The following KCNQ1 variants were observed in gnomAD, a reference collection of about 807,000 sequenced individuals.
The protein encoded by KCNQ1 is potassium voltage-gated channel subfamily KQT member 1.
KCNQ1 carries 49 observed loss-of-function variants against 72.4 expected under a neutral mutation model. That is an observed-to-expected ratio of 0.68 (90% CI 0.54 to 0.86). The LOEUF (loss-of-function observed/expected upper bound fraction) is 0.86, where lower values mean the gene tolerates loss of function less well. Among genes scored for constraint, KCNQ1 ranks in the 40% least tolerant of loss-of-function variants. The probability of loss-of-function intolerance (pLI) is 0.00; values close to 1 mark genes in which losing one functional copy is unlikely to be tolerated. For missense variants in KCNQ1, 790 were observed against 945.1 expected, an observed-to-expected ratio of 0.84 and a Z score of 2.15; for synonymous variants, 450 against 412.6, an observed-to-expected ratio of 1.09 and a Z score of -1.10.
At chr11:2,689,234 T>C in intron 11 of KCNQ1, 1 of 398,752 alleles carries the variant, frequency 2.5e-6, no homozygotes, top group Non-Finnish European at 4.4e-6. Flanking sequence ...TAGGCCAAGC[T>C]TTGAAGTCAG....
chr11:2,649,062 A>G, intron 10 of KCNQ1: 1 of 379,614 alleles, frequency 2.6e-6, no homozygotes. Context: ...TTTGTGTGGA[A>G]TATCTTTTTC....
At chr11:2,792,272 C>T (rs1015996300) in intron 15 of KCNQ1, among the ~76,000 whole-genome samples, 2 of 152,234 alleles carry the variant, frequency 1.3e-5, no homozygotes, top group Admixed American at 6.5e-5. Flanking sequence ...TTTGAGGGCC[C>T]TTCTCAAACC....
At position 2,651,223 on chromosome 11, in the gene KCNQ1, C is replaced by T; in HGVS notation, c.1394-10738C>T. On this transcript the variant is annotated intron_variant, in intron 10 of 15. Transcript: ENST00000155840. This position sits in a 1 kb window ranked among gnomAD's most constrained non-coding sequence, Gnocchi z 6.1. ...CTGTCACCCTGTCTTGTGTCAGTCTCACAGCACACACAGCTTAATTCAGGA... is the reference window on the plus strand; with the variant it reads ...CTGTCACCCTGTCTTGTGTCAGTCTTACAGCACACACAGCTTAATTCAGGA... The T allele has an allele frequency of 2.5e-6, 1 of 398,642 alleles. No homozygotes were observed. Among genetic ancestry groups the T allele is most frequent in the Non-Finnish European group, 4.4e-6 (1 of 226,084 alleles). 24.7% of individuals were successfully genotyped at this position (398,642 alleles called of 1,614,324 possible). A position where few individuals can be genotyped will look rare whatever the true frequency, so the allele number is the denominator to read the frequency against.
rs778576517 is a variant in KCNQ1 at position 2,849,021 on chromosome 11, T to A, written c.*1018T>A. The A allele has an allele frequency of 2.9e-5, 13 of 454,046 alleles. No homozygotes were observed. Among genetic ancestry groups the A allele is most frequent in the Admixed American group, 7.0e-5 (3 of 42,566 alleles). The allele number at this position is 454,046 out of a possible 1,614,324, so 28.1% of individuals were successfully genotyped here. A position where few individuals can be genotyped will look rare whatever the true frequency, so the allele number is the denominator to read the frequency against. ...GGGCTGGGCACTGCTCTCACCTTGG[T>A]TCCTGGGGCATCCATGGGGTCTCTC... On this transcript the variant is annotated 3_prime_UTR_variant, in exon 16 of 16. Transcript: ENST00000155840.
rs965886206 is a variant in KCNQ1, at chr11:2,822,837, G to A, written c.1795-24930G>A. Reference sequence around the variant, plus strand: ...CATTGTAAGATCTGAAATTCAGAACGGTGGCATAGGCCAGAGTAGGACATT... The same window carrying A: ...CATTGTAAGATCTGAAATTCAGAACAGTGGCATAGGCCAGAGTAGGACATT... On this transcript the variant is annotated intron_variant, in intron 15 of 15. Transcript: ENST00000155840. 8.5e-5 allele frequency among the ~76,000 whole-genome samples: 13 copies of A among 152,180 alleles called. 1 individual carries two copies. The highest frequency in any genetic ancestry group is 3.9e-4 in the Admixed American group (6 of 15,284).
chr11:2,640,813 A>G (rs1292759747), intron 10 of KCNQ1: 1 of 398,200 alleles, frequency 2.5e-6, no homozygotes, highest in African/African-American at 2.1e-5. Context: ...CCACTAACCA[A>G]CCTCTCTTCA....
At chr11:2,716,405 T>C (rs1851093168) in intron 11 of KCNQ1, among the ~76,000 whole-genome samples, 1 of 152,140 alleles carries the variant, frequency 6.6e-6, no homozygotes, top group African/African-American at 2.4e-5. Flanking sequence ...AGGTGGCCCA[T>C]TGGCCAGAAC....
At chr11:2,780,578 C>T (rs1356252916) in intron 15 of KCNQ1, among the ~76,000 whole-genome samples, 1 of 152,232 alleles carries the variant, frequency 6.6e-6, no homozygotes, top group Non-Finnish European at 1.5e-5. Context: ...GTTTTCTCAG[C>T]TCAGCTCAGC....
chr11:2,830,536 C>A lies in KCNQ1; in HGVS notation c.1795-17231C>A, dbSNP rs540208195. The stretch of plus-strand genomic sequence containing the variant: ...TCCCAAGAACCTCTTCCTCCAGCCC[C>A]GGGAGCAGGAAGGGCGGGCTGGGAG... On this transcript the variant is annotated intron_variant, in intron 15 of 15. Coordinates refer to ENST00000155840, the MANE Select transcript of KCNQ1 (RefSeq NM_000218.3). This position sits in a 1 kb window ranked among gnomAD's most constrained non-coding sequence, Gnocchi z 7.7. 6.6e-6 allele frequency among the ~76,000 whole-genome samples: 1 copy of A among 152,128 alleles called. No individual in the cohort carries two copies. Among genetic ancestry groups the A allele is most frequent in the African/African-American group, 2.4e-5 (1 of 41,432 alleles).
intron 2 of KCNQ1, among the ~76,000 whole-genome samples, chr11:2,530,692 AAT>A (rs1414702642): frequency 1.3e-5 from 2 of 152,202 alleles, no homozygotes. Context: ...GCTCTGTTTC[AAT>A]GTGTGTACAT....
intron 1 of KCNQ1, among the ~76,000 whole-genome samples, chr11:2,454,231 A>G (rs1017949728): frequency 2.0e-5 from 3 of 151,636 alleles, no homozygotes; most frequent in African/African-American, 7.3e-5. Context: ...GCGGGGGGGG[A>G]GGTGGCATAT....
In KCNQ1 at chr11:2,479,080, CA is replaced by C. The variant is rs1285961122; in HGVS notation, c.386+33597del. On this transcript the variant is annotated intron_variant, in intron 1 of 15. Transcript: ENST00000155840. This position sits in a 1 kb window ranked among gnomAD's most constrained non-coding sequence, Gnocchi z 4.6. ...CATGCTGATGCAAGAGGTGGGTTCC[CA>C]TAGTCTTGAGCAGCTCTGCCCCTCT... Among the ~76,000 whole-genome samples the C allele has an allele frequency of 6.6e-6, 1 of 152,224 alleles. No individual in the cohort carries two copies. Among genetic ancestry groups the C allele is most frequent in the African/African-American group, 2.4e-5 (1 of 41,460 alleles).
At chr11:2,833,870 G>A (rs1401563845) in intron 15 of KCNQ1, among the ~76,000 whole-genome samples, 1 of 152,200 alleles carries the variant, frequency 6.6e-6, no homozygotes, top group Non-Finnish European at 1.5e-5. Context: ...GAGCGGCGGG[G>A]AGCGGGGCTT....
chr11:2,670,508 G>C lies in KCNQ1; in HGVS notation c.1514+8427G>C. On this transcript the variant is annotated intron_variant, in intron 11 of 15. Coordinates refer to ENST00000155840, the MANE Select transcript of KCNQ1 (RefSeq NM_000218.3). The surrounding 1 kb of genome is among the most constrained non-coding windows in gnomAD (Gnocchi z 4.9). ...AGCATCTAGTGGGCCTGTCCTCCCAGCTCACAGAAGGGGAAATTGAAGCCT... is the reference window on the plus strand; with the variant it reads ...AGCATCTAGTGGGCCTGTCCTCCCACCTCACAGAAGGGGAAATTGAAGCCT... 2.5e-6 allele frequency: 1 copy of C among 397,606 alleles called. No homozygotes were observed. The highest frequency in any genetic ancestry group is 3.6e-5 in the East Asian group (1 of 28,040). 24.6% of individuals were successfully genotyped at this position (397,606 alleles called of 1,614,324 possible). A position where few individuals can be genotyped will look rare whatever the true frequency, so the allele number is the denominator to read the frequency against.
chr11:2,680,796 T>C (rs934025367), intron 11 of KCNQ1: 1 of 154,000 alleles, frequency 6.5e-6, no homozygotes, highest in Non-Finnish European at 1.4e-5. Context: ...TCCAAGAAAA[T>C]TATATAAATG....
rs1439023241 is a variant in KCNQ1 at position 2,595,105 on chromosome 11, C to T, written c.1393+6251C>T. Among the ~76,000 whole-genome samples the T allele has an allele frequency of 1.3e-5, 2 of 152,128 alleles. No homozygotes were observed. Among genetic ancestry groups the T allele is most frequent in the East Asian group, 3.9e-4 (2 of 5,192 alleles). ...TATGGGATCTTCTAGACAACCTATG[C>T]AGTGTAAACAGAAACCCCAATCTCC... is the stretch of plus-strand genomic sequence containing the variant. On this transcript the variant is annotated intron_variant, in intron 10 of 15. Transcript: ENST00000155840. The surrounding 1 kb of genome is among the most constrained non-coding windows in gnomAD (Gnocchi z 5.0).
Position 2,559,581 on chromosome 11 carries a change from G to C in KCNQ1, c.478-11047G>C, listed in dbSNP as rs1380052755. Among the ~76,000 whole-genome samples the C allele has an allele frequency of 1.3e-5, 2 of 152,208 alleles. No individual in the cohort carries two copies. Among genetic ancestry groups the C allele is most frequent in the African/African-American group, 4.8e-5 (2 of 41,456 alleles). Reference sequence around the variant, plus strand: ...CAGGGCCCGGCTGCCCGGTGGATGGGAACGGCCATCCCCATGACGACCCAG... The same window carrying C: ...CAGGGCCCGGCTGCCCGGTGGATGGCAACGGCCATCCCCATGACGACCCAG... On this transcript the variant is annotated intron_variant, in intron 2 of 15. Coordinates refer to ENST00000155840, the MANE Select transcript of KCNQ1 (RefSeq NM_000218.3). This position sits in a 1 kb window ranked among gnomAD's most constrained non-coding sequence, Gnocchi z 4.9.
rs947319303 is a variant in KCNQ1, at chr11:2,627,558, T to G, written c.1394-34403T>G. ...TAACTGGGATAGTGCAGTATTTGTC[T>G]TTCTGTGTCTGGCTATTTCACTTAG... On this transcript the variant is annotated intron_variant, in intron 10 of 15. Transcript: ENST00000155840. This position sits in a 1 kb window ranked among gnomAD's most constrained non-coding sequence, Gnocchi z 4.9. 9 of 398,490 alleles carry G rather than the reference T, an allele frequency of 2.3e-5. No homozygotes were observed. The highest frequency in any genetic ancestry group is 1.9e-4 in the African/African-American group (9 of 48,624). 24.7% of individuals were successfully genotyped at this position (398,490 alleles called of 1,614,324 possible).
chr11:2,630,091 C>T (rs1589991760), intron 10 of KCNQ1: 2 of 398,160 alleles, frequency 5.0e-6, no homozygotes, highest in Non-Finnish European at 8.9e-6. Flanking sequence ...CAGTACATTC[C>T]TTCTATACCT....
Sources: gnomAD v4.1 joint callset for allele counts (sites outside exome capture counted in the v4.1 genomes callset) on GRCh38, gnomAD v4.1.1 for gene constraint, Gnocchi (gnomAD v3.1) non-coding constraint, MANE v1.5 for transcripts, NCBI Gene and HGNC (gene_info 2026-07-23, HGNC 2026-07-21) for gene names.